TAFA1: variants seen among roughly 807,000 people sequenced by gnomAD.
TAFA1 encodes the protein TAFA chemokine like family member 1.
Under a neutral mutation model 18.5 loss-of-function variants are expected in TAFA1, and 4 were observed. The observed-to-expected ratio is 0.22, with a 90% CI of 0.11 to 0.49. The LOEUF (loss-of-function observed/expected upper bound fraction) is 0.49, where lower values mean the gene tolerates loss of function less well. Ranked by LOEUF, TAFA1 falls within the 20% of genes least tolerant of loss-of-function variation. The pLI is 0.98. For missense variants in TAFA1, 147 were observed against 169.0 expected (o/e 0.87, Z 0.72); for synonymous variants, 56 against 55.2 (o/e 1.01, Z -0.06).
chr3:68,224,881 G>A (rs1452939125), intron 2 of TAFA1, among the ~76,000 whole-genome samples: 3 of 135,446 alleles, frequency 2.2e-5, no homozygotes, highest in Non-Finnish European at 4.7e-5. Context: ...TTTCCAAAAC[G>A]TTTGGCTTGT....
intron 2 of TAFA1, among the ~76,000 whole-genome samples, chr3:68,252,003 C>T (rs1384940572): frequency 6.6e-6 from 1 of 152,168 alleles, no homozygotes; most frequent in East Asian, 1.9e-4. Flanking sequence ...AATCACAGCC[C>T]AGCTTCTCAG....
intron 3 of TAFA1, among the ~76,000 whole-genome samples, chr3:68,498,219 G>C (rs934664574): frequency 3.9e-5 from 6 of 152,172 alleles, no homozygotes; most frequent in African/African-American, 1.4e-4. Context: ...GTTGCAATGA[G>C]GATGAAAAGT....
At chr3:68,117,260 G>T (rs1006460834) in intron 2 of TAFA1, among the ~76,000 whole-genome samples, 18 of 152,222 alleles carry the variant, frequency 1.2e-4, no homozygotes, top group African/African-American at 4.3e-4. Context: ...ATGAGATATG[G>T]GAAGATATGA....
At chr3:68,031,523 C>A (rs1704934679) in intron 2 of TAFA1, among the ~76,000 whole-genome samples, 1 of 152,120 alleles carries the variant, frequency 6.6e-6, no homozygotes, top group Non-Finnish European at 1.5e-5. Flanking sequence ...AAAGAATAAT[C>A]ATTCCAATCT....
At chr3:68,296,793 T>C (rs2068215959) in intron 2 of TAFA1, among the ~76,000 whole-genome samples, 1 of 152,144 alleles carries the variant, frequency 6.6e-6, no homozygotes, top group Non-Finnish European at 1.5e-5. Flanking sequence ...GATACAGACA[T>C]GGCTGCTACC....
At chr3:68,350,381 C>T (rs2069243891) in intron 2 of TAFA1, among the ~76,000 whole-genome samples, 1 of 152,110 alleles carries the variant, frequency 6.6e-6, no homozygotes, top group South Asian at 2.1e-4. Flanking sequence ...TAAATATCTT[C>T]TAATAAATAA....
chr3:68,166,685 G>A (rs528619947), intron 2 of TAFA1, among the ~76,000 whole-genome samples: 1 of 152,304 alleles, frequency 6.6e-6, no homozygotes, highest in South Asian at 2.1e-4. Flanking sequence ...CATAATGGGA[G>A]AGCACCCCTC....
intron 2 of TAFA1, among the ~76,000 whole-genome samples, chr3:68,304,495 C>T (rs1157749788): frequency 6.6e-6 from 1 of 152,156 alleles, no homozygotes; most frequent in Admixed American, 6.5e-5. Context: ...TCTATGCCCA[C>T]CTCCCATCTT....
At chr3:68,377,208 C>A (rs960218135) in intron 2 of TAFA1, among the ~76,000 whole-genome samples, 3 of 152,050 alleles carry the variant, frequency 2.0e-5, no homozygotes, top group African/African-American at 7.2e-5. Flanking sequence ...AACTTTGGAA[C>A]TGGGTAATGG....
intron 2 of TAFA1, among the ~76,000 whole-genome samples, chr3:68,383,209 C>G (rs1002979334): frequency 2.0e-5 from 3 of 152,096 alleles, no homozygotes; most frequent in African/African-American, 7.2e-5. Context: ...CCAGCCAGGA[C>G]TTCCAACACT....
intron 2 of TAFA1, among the ~76,000 whole-genome samples, chr3:68,204,943 A>G (rs1160731772): frequency 1.3e-5 from 2 of 151,860 alleles, no homozygotes; most frequent in Non-Finnish European, 2.9e-5. Context: ...TACATCAAGC[A>G]TAACTATTCC....
intron 3 of TAFA1, among the ~76,000 whole-genome samples, chr3:68,505,216 A>G (rs1023908697): frequency 5.3e-5 from 8 of 152,170 alleles, no homozygotes; most frequent in Admixed American, 2.0e-4. Context: ...CAAGTGTTCA[A>G]CCAAACACAA....
At chr3:68,358,681 T>A (rs541318473) in intron 2 of TAFA1, among the ~76,000 whole-genome samples, 1 of 151,930 alleles carries the variant, frequency 6.6e-6, no homozygotes, top group South Asian at 2.1e-4. Context: ...AGCCCTCAGA[T>A]GGAGTTTTTG....
At chr3:68,306,040 C>G (rs1193020789) in intron 2 of TAFA1, among the ~76,000 whole-genome samples, 2 of 151,998 alleles carry the variant, frequency 1.3e-5, no homozygotes, top group Admixed American at 6.6e-5. Context: ...ATTGAAAAGA[C>G]AGAGGAGGAA....
chr3:68,377,301 G>C (rs914366441), intron 2 of TAFA1, among the ~76,000 whole-genome samples: 10 of 152,264 alleles, frequency 6.6e-5, no homozygotes, highest in Admixed American at 2.6e-4. Flanking sequence ...CTTGTTGAGT[G>C]GTTTTGACCA....
At chr3:68,027,616 A>G (rs1027711828) in intron 2 of TAFA1, among the ~76,000 whole-genome samples, 5 of 152,174 alleles carry the variant, frequency 3.3e-5, no homozygotes, top group Non-Finnish European at 7.4e-5. Flanking sequence ...TATTTCACAC[A>G]TGCCACCGTG....
chr3:68,477,644 G>A (rs778699345), intron 3 of TAFA1, among the ~76,000 whole-genome samples: 162 of 152,058 alleles, frequency 1.1e-3, no homozygotes, highest in Middle Eastern at 3.2e-3. Flanking sequence ...GCCTCCCAAA[G>A]TGCTGGGATT....
chr3:68,432,421 C>T (rs556252373), intron 3 of TAFA1, among the ~76,000 whole-genome samples: 3 of 152,086 alleles, frequency 2.0e-5, no homozygotes, highest in Admixed American at 2.0e-4. Flanking sequence ...AGCAATAATG[C>T]ACTCAGAAAA....
intron 2 of TAFA1, among the ~76,000 whole-genome samples, chr3:68,407,327 T>C (rs1382326633): frequency 6.6e-6 from 1 of 152,042 alleles, no homozygotes; most frequent in Non-Finnish European, 1.5e-5. Context: ...ATAAGAATTA[T>C]TGCAATCCAG....
Sources: allele counts gnomAD v4.1 joint callset (sites outside exome capture counted in the v4.1 genomes callset), GRCh38; gene constraint gnomAD v4.1.1; transcripts MANE v1.5; gene names NCBI Gene and HGNC (gene_info 2026-07-23, HGNC 2026-07-21).